The following SLC22A11 variants were observed in gnomAD, a reference collection of about 807,000 sequenced individuals.
The protein encoded by SLC22A11 is organic anion transporter 4.
Under a neutral mutation model 49.4 loss-of-function variants are expected in SLC22A11, and 42 were observed. The observed-to-expected ratio is 0.85, with a 90% CI of 0.66 to 1.10. SLC22A11 has a LOEUF of 1.10. Ranked by LOEUF, SLC22A11 falls within the 50% of genes least tolerant of loss-of-function variation. The probability of loss-of-function intolerance (pLI) is 0.00; values close to 1 mark genes in which losing one functional copy is unlikely to be tolerated. For missense variants in SLC22A11, 685 were observed against 731.6 expected, an observed-to-expected ratio of 0.94 and a Z score of 0.74; for synonymous variants, 304 against 315.8, an observed-to-expected ratio of 0.96 and a Z score of 0.40.
rs869085115 is a variant in SLC22A11, at chr11:64,563,610, TAAA to T, written c.822-672_822-670del. ...CTGCCTGGGGATATTTTAAATGTGC[TAAA>T]AAAAAAAAAAAAAAAAAAAAAAAAA... On this transcript the variant is annotated intron_variant, in intron 4 of 9. Transcript: ENST00000301891. Among the ~76,000 whole-genome samples, 225 of 43,842 alleles carry T rather than the reference TAAA, an allele frequency of 5.1e-3. 6 individuals are homozygous for T. In the East Asian group the frequency reaches 0.086, roughly 17 times the overall value. 28.8% of individuals were successfully genotyped at this position (43,842 alleles called of 152,430 possible).
chr11:64,557,341 G>A (rs1042897881), intron 1 of SLC22A11, among the ~76,000 whole-genome samples: 4 of 152,188 alleles, frequency 2.6e-5, no homozygotes, highest in Non-Finnish European at 4.4e-5. Flanking sequence ...GTCAATCCTC[G>A]CAGTCTGCAT....
chr11:64,570,518 G>A (rs1182304166), intron 9 of SLC22A11, among the ~76,000 whole-genome samples: 1 of 152,192 alleles, frequency 6.6e-6, no homozygotes, highest in East Asian at 1.9e-4. Context: ...GAAAATGCCA[G>A]GCCTGCAGCA....
rs2135423451 is a variant in SLC22A11 at position 64,564,049 on chromosome 11, A to C, written c.822-259A>C. Reference sequence around the variant, plus strand: ...TGTGCCCTGGCTGTGTGCAGGGCTCAGGTGGGCAGGCCCCGGGCAGCCAGG... The same window carrying C: ...TGTGCCCTGGCTGTGTGCAGGGCTCCGGTGGGCAGGCCCCGGGCAGCCAGG... On this transcript the variant is annotated intron_variant, in intron 4 of 9. Transcript: ENST00000301891. The surrounding 1 kb of genome is among the most constrained non-coding windows in gnomAD (Gnocchi z 4.2). Among the ~76,000 whole-genome samples, 1 of 152,264 alleles carries C rather than the reference A, an allele frequency of 6.6e-6. No individual in the cohort carries two copies. The highest frequency in any genetic ancestry group is 1.9e-4 in the East Asian group (1 of 5,180).
Position 64,556,122 on chromosome 11 carries a change from A to T in SLC22A11, c.123A>T (p.Ser41=). ...CCCAGATGCTCCTGGAGAACTTCTC[A>T]GCCGCCATCCCAGGCCACCGATGCT... is the stretch of plus-strand genomic sequence containing the variant. ...IPSQMLLENF[S]AAIPGHRCWT... The change falls in exon 1 of 10, where the codon TCA becomes TCT. Residue 41 remains serine, a synonymous_variant. Transcript: ENST00000301891. The T allele has an allele frequency of 6.2e-7, 1 of 1,614,122 alleles. No individual in the cohort carries two copies. Among genetic ancestry groups the T allele is most frequent in the East Asian group, 2.2e-5 (1 of 44,874 alleles).
chr11:64,571,152 C>T lies in SLC22A11; in HGVS notation c.*110C>T. The T allele has an allele frequency of 8.1e-7, 1 of 1,237,086 alleles. No homozygotes were observed. The highest frequency in any genetic ancestry group is 1.2e-6 in the Non-Finnish European group (1 of 852,642). The allele number at this position is 1,237,086 out of a possible 1,614,324, so 76.6% of individuals were successfully genotyped here. A position where few individuals can be genotyped will look rare whatever the true frequency, so the allele number is the denominator to read the frequency against. ...GGGCGACTTCAAGGGCCTGGCATGG[C>T]AGAGGCCAGGCAGCCGTGGCCGAGT... On this transcript the variant is annotated 3_prime_UTR_variant, in exon 10 of 10. Coordinates refer to ENST00000301891, the MANE Select transcript of SLC22A11 (RefSeq NM_018484.4).
intron 1 of SLC22A11, 150 bp from the exon 2 acceptor site, chr11:64,558,985 T>G: frequency 1.5e-6 from 1 of 668,556 alleles, no homozygotes. Context: ...CCATGGGGAG[T>G]TGCAGCCCCA....
At chr11:64,559,610 C>T (rs867570684) in intron 2 of SLC22A11, among the ~76,000 whole-genome samples, 10 of 152,292 alleles carry the variant, frequency 6.6e-5, no homozygotes, top group South Asian at 2.1e-4. Flanking sequence ...TGTCCTTTGT[C>T]CCCCAGTCTC....
intron 7 of SLC22A11, among the ~76,000 whole-genome samples, chr11:64,568,031 G>A (rs2038652177): frequency 6.6e-6 from 1 of 152,266 alleles, no homozygotes; most frequent in Admixed American, 6.5e-5. Flanking sequence ...CACGTCGTGC[G>A]GTGGCGGCAG....
chr11:64,558,460 G>A (rs1318645390), intron 1 of SLC22A11, among the ~76,000 whole-genome samples: 1 of 152,152 alleles, frequency 6.6e-6, no homozygotes, highest in East Asian at 1.9e-4. Context: ...ACGGACTTGG[G>A]GATGGGTGTG....
chr11:64,567,879 G>A, intron 7 of SLC22A11, 66 bp downstream of exon 7: 11 of 1,490,644 alleles, frequency 7.4e-6, no homozygotes, highest in East Asian at 4.9e-5. Flanking sequence ...TGCTCTGAGC[G>A]TGGGGCCACA....
chr11:64,569,603 C>T, intron 8 of SLC22A11, 49 bp from the exon 9 acceptor site: 5 of 1,566,748 alleles, frequency 3.2e-6, no homozygotes, highest in Non-Finnish European at 4.4e-6. Flanking sequence ...TGTCTTCCTG[C>T]CACAGGGCCA....
In SLC22A11 at chr11:64,567,668, C is replaced by T; in HGVS notation, c.1128C>T (p.Leu376=). Residue 376 remains leucine, a synonymous_variant, in exon 7 of 10, where the codon CTC becomes CTT. Coordinates refer to ENST00000301891, the MANE Select transcript of SLC22A11 (RefSeq NM_018484.4). ...DLQSLGRDIF[L]LQALFGAVDF... ...AGAGCCTGGGCCGTGACATCTTCCT[C>T]CTCCAGGCCCTCTTCGGGGCCGTGG... 1 of 1,614,126 alleles carries T rather than the reference C, an allele frequency of 6.2e-7. No individual in the cohort carries two copies. Among genetic ancestry groups the T allele is most frequent in the Non-Finnish European group, 8.5e-7 (1 of 1,180,036 alleles).
chr11:64,566,379 T>A (rs767218180), intron 6 of SLC22A11: 4 of 151,998 alleles, frequency 2.6e-5, no homozygotes, highest in African/African-American at 9.7e-5. Flanking sequence ...ACTTGCTACA[T>A]CTTAGAACAA....
At chr11:64,559,415 C>T (rs1316715842) in intron 2 of SLC22A11, among the ~76,000 whole-genome samples, 177 bp downstream of exon 2, 2 of 152,108 alleles carry the variant, frequency 1.3e-5, no homozygotes, top group South Asian at 2.1e-4. Context: ...GTTCCGGGTC[C>T]CCATCTCAGC....
chr11:64,569,609 G>A (rs1453377149), intron 8 of SLC22A11, 43 bp from the exon 9 acceptor site: 1 of 1,579,278 alleles, frequency 6.3e-7, no homozygotes, highest in Admixed American at 1.7e-5. Flanking sequence ...CCTGCCACAG[G>A]GCCAGCTGTT....
Position 64,564,485 on chromosome 11 carries a change from A to G in SLC22A11, c.942+57A>G. The G allele has an allele frequency of 6.3e-7, 1 of 1,592,532 alleles. No individual in the cohort carries two copies. The highest frequency in any genetic ancestry group is 8.6e-7 in the Non-Finnish European group (1 of 1,166,180). On this transcript the variant is annotated intron_variant, in intron 5 of 9. Coordinates refer to ENST00000301891, the MANE Select transcript of SLC22A11 (RefSeq NM_018484.4). This position sits in a 1 kb window ranked among gnomAD's most constrained non-coding sequence, Gnocchi z 4.2. ...GGGACAGGACGTGCACTGAGGGATCATCCGTGTGGCCTCCAACAGCACCAC... is the reference window on the plus strand; with the variant it reads ...GGGACAGGACGTGCACTGAGGGATCGTCCGTGTGGCCTCCAACAGCACCAC...
intron 4 of SLC22A11, among the ~76,000 whole-genome samples, chr11:64,563,303 C>T (rs903766105): frequency 6.6e-6 from 1 of 152,046 alleles, no homozygotes; most frequent in African/African-American, 2.4e-5. Flanking sequence ...ATGCGATTAC[C>T]ACCATTTTCA....
In SLC22A11 at chr11:64,572,464, G is replaced by A. The variant is rs2038716783; in HGVS notation, c.*1422G>A. 1 of 152,448 alleles carries A rather than the reference G, an allele frequency of 6.6e-6. No individual in the cohort carries two copies. The highest frequency in any genetic ancestry group is 2.4e-5 in the African/African-American group (1 of 41,430). The allele number at this position is 152,448 out of a possible 1,614,324, so 9.4% of individuals were successfully genotyped here. Reference sequence around the variant, plus strand: ...CAAAGTTACCCTCATGCCCTTCCCTGGAGACCCCACTCTGGGCCACCTCAA... The same window carrying A: ...CAAAGTTACCCTCATGCCCTTCCCTAGAGACCCCACTCTGGGCCACCTCAA... On this transcript the variant is annotated 3_prime_UTR_variant, in exon 10 of 10. Coordinates refer to ENST00000301891, the MANE Select transcript of SLC22A11 (RefSeq NM_018484.4).
At position 64,567,775 on chromosome 11, in the gene SLC22A11, C is replaced by T; in HGVS notation, c.1235C>T (p.Ala412Val). 6.2e-7 allele frequency: 1 copy of T among 1,609,932 alleles called. No individual in the cohort carries two copies. The highest frequency in any genetic ancestry group is 1.1e-5 in the South Asian group (1 of 90,818). Residue 412 changes from alanine to valine, a missense_variant, in exon 7 of 10, where the codon GCC becomes GTC. Ala to Val is a moderately conservative substitution (Grantham distance 64). Transcript: ENST00000301891. ...RTIQAGSQAM[A>V]GLAILANMLV... is the part of the protein sequence containing the mutation. The stretch of plus-strand genomic sequence containing the variant: ...ATCCAGGCGGGTTCCCAGGCCATGG[C>T]CGGCCTCGCCATTCTAGCCAACATG...
Sources: allele counts gnomAD v4.1 joint callset (sites outside exome capture counted in the v4.1 genomes callset), GRCh38; gene constraint gnomAD v4.1.1; non-coding constraint Gnocchi (gnomAD v3.1); transcripts MANE v1.5; gene names NCBI Gene and HGNC (gene_info 2026-07-23, HGNC 2026-07-21).